PAG1: variants seen among roughly 807,000 people sequenced by gnomAD.
PAG1 encodes phosphoprotein membrane anchor with glycosphingolipid microdomains 1, also known as phosphoprotein associated with glycosphingolipid-enriched microdomains 1.
A neutral mutation model predicts 31.7 loss-of-function variants in PAG1; 23 were observed. The observed-to-expected ratio is 0.73, with a 90% CI of 0.52 to 1.03. PAG1 has a LOEUF of 1.03. Among genes scored for constraint, PAG1 ranks in the 50% least tolerant of loss-of-function variants. The pLI, the probability that PAG1 is intolerant of heterozygous loss-of-function variation, is 0.00. For synonymous variants in PAG1, 214 were observed against 210.3 expected (o/e 1.02, Z -0.15); for missense variants, 473 against 540.7 (o/e 0.87, Z 1.24).
At chr8:81,076,632 C>A (rs1336229787) in intron 1 of PAG1, among the ~76,000 whole-genome samples, 1 of 152,206 alleles carries the variant, frequency 6.6e-6, no homozygotes, top group Non-Finnish European at 1.5e-5. Context: ...AAAGAGAAAT[C>A]TCTTACTTTC....
intron 3 of PAG1, among the ~76,000 whole-genome samples, chr8:81,027,582 T>C (rs1808303900): frequency 6.6e-6 from 1 of 152,186 alleles, no homozygotes; most frequent in Non-Finnish European, 1.5e-5. Flanking sequence ...GTAGTTTTTA[T>C]AAAAATATCC....
At chr8:81,088,696 GA>G (rs1449320526) in intron 1 of PAG1, among the ~76,000 whole-genome samples, 1 of 152,106 alleles carries the variant, frequency 6.6e-6, no homozygotes, top group East Asian at 1.9e-4. Context: ...TATTTGAACA[GA>G]CAAGCAAACT....
At chr8:81,095,701 G>A (rs1248421486) in intron 1 of PAG1, among the ~76,000 whole-genome samples, 1 of 152,176 alleles carries the variant, frequency 6.6e-6, no homozygotes, top group Non-Finnish European at 1.5e-5. Context: ...GCTTCTATAT[G>A]TACTACCTAT....
chr8:80,977,432 C>G (rs887789138), intron 8 of PAG1, among the ~76,000 whole-genome samples: 5 of 152,208 alleles, frequency 3.3e-5, no homozygotes, highest in Non-Finnish European at 7.3e-5. Context: ...TGGGGCCCAG[C>G]AACCGGTGCT....
chr8:81,033,501 T>C (rs1563636835), intron 2 of PAG1, among the ~76,000 whole-genome samples: 2 of 152,214 alleles, frequency 1.3e-5, no homozygotes, highest in Non-Finnish European at 2.9e-5. Flanking sequence ...TATTGATTTC[T>C]TTTTCCACCG....
intron 3 of PAG1, among the ~76,000 whole-genome samples, chr8:81,005,477 T>TA (rs1807858778): frequency 6.6e-6 from 1 of 152,192 alleles, no homozygotes; most frequent in Non-Finnish European, 1.5e-5. Flanking sequence ...TGGAACTCAG[T>TA]GATCAGAATC....
intron 2 of PAG1, among the ~76,000 whole-genome samples, chr8:81,063,286 T>C (rs1808947511): frequency 6.6e-6 from 1 of 152,130 alleles, no homozygotes; most frequent in Non-Finnish European, 1.5e-5. Context: ...TTTTTATTCC[T>C]AAAGTGGCAG....
intron 2 of PAG1, among the ~76,000 whole-genome samples, chr8:81,057,132 C>G (rs1808837331): frequency 6.6e-6 from 1 of 152,162 alleles, no homozygotes; most frequent in Non-Finnish European, 1.5e-5. Flanking sequence ...GGACTGTAAA[C>G]TAGTTCAACC....
At chr8:80,987,018 G>C (rs2130445661) in intron 6 of PAG1, among the ~76,000 whole-genome samples, 1 of 152,294 alleles carries the variant, frequency 6.6e-6, no homozygotes, top group Non-Finnish European at 1.5e-5. Context: ...AATGTGCCCA[G>C]TTTTGTCACC....
intron 2 of PAG1, among the ~76,000 whole-genome samples, chr8:81,060,606 T>C (rs1279413954): frequency 6.6e-6 from 1 of 152,250 alleles, no homozygotes; most frequent in Non-Finnish European, 1.5e-5. Flanking sequence ...CAAAAGGCTT[T>C]TGATATATCC....
chr8:81,029,817 T>C (rs1808347894), intron 3 of PAG1, 179 bp downstream of exon 3: 1 of 152,184 alleles, frequency 6.6e-6, no homozygotes, highest in Non-Finnish European at 1.5e-5. Flanking sequence ...GTAACACATT[T>C]AGAAGAGGCT....
At chr8:81,045,948 G>A (rs939119060) in intron 2 of PAG1, among the ~76,000 whole-genome samples, 1 of 152,220 alleles carries the variant, frequency 6.6e-6, no homozygotes, top group Non-Finnish European at 1.5e-5. Flanking sequence ...TATTGCTTCA[G>A]CATTGGGCGT....
At chr8:81,056,678 A>T (rs1006388103) in intron 2 of PAG1, among the ~76,000 whole-genome samples, 5 of 152,226 alleles carry the variant, frequency 3.3e-5, no homozygotes, top group Non-Finnish European at 7.3e-5. Context: ...TTCATGTCTA[A>T]AACACCAAAA....
chr8:81,079,707 ATACT>A (rs999292711), intron 1 of PAG1, among the ~76,000 whole-genome samples: 2 of 148,674 alleles, frequency 1.3e-5, no homozygotes, highest in African/African-American at 2.6e-5. Flanking sequence ...CACAGAAGAA[ATACT>A]TATTATTATT....
At chr8:81,002,491 A>T (rs184720727) in intron 3 of PAG1, among the ~76,000 whole-genome samples, 1 of 152,226 alleles carries the variant, frequency 6.6e-6, no homozygotes, top group Non-Finnish European at 1.5e-5. Context: ...GTAGAATTTA[A>T]GAGCAGATGG....
chr8:80,997,927 T>C (rs1208440409), intron 3 of PAG1, among the ~76,000 whole-genome samples: 2 of 152,140 alleles, frequency 1.3e-5, no homozygotes, highest in Non-Finnish European at 2.9e-5. Context: ...CTGTGAGAAC[T>C]TGTTGTTTAG....
intron 3 of PAG1, among the ~76,000 whole-genome samples, chr8:81,014,190 C>G (rs1246257493): frequency 6.6e-6 from 1 of 152,190 alleles, no homozygotes; most frequent in Non-Finnish European, 1.5e-5. Context: ...TTTAGAATAT[C>G]AAGCCCCAGA....
intron 2 of PAG1, among the ~76,000 whole-genome samples, chr8:81,062,887 G>A (rs1369127788): frequency 6.6e-6 from 1 of 152,092 alleles, no homozygotes; most frequent in African/African-American, 2.4e-5. Flanking sequence ...CACTATGGCT[G>A]GTCTAAAATC....
chr8:80,986,210 A>T (rs1807416802), intron 6 of PAG1, among the ~76,000 whole-genome samples: 1 of 152,200 alleles, frequency 6.6e-6, no homozygotes, highest in South Asian at 2.1e-4. Flanking sequence ...ATGTGAAAAA[A>T]TGACAACGGA....
Sources: gnomAD v4.1 joint callset for allele counts (sites outside exome capture counted in the v4.1 genomes callset) on GRCh38, gnomAD v4.1.1 for gene constraint, MANE v1.5 for transcripts, NCBI Gene and HGNC (gene_info 2026-07-23, HGNC 2026-07-21) for gene names.